The following FHIT variants were observed in gnomAD, a reference collection of about 807,000 sequenced individuals.
The protein encoded by FHIT is fragile histidine triad diadenosine triphosphatase, also known as bis(5'-adenosyl)-triphosphatase.
In FHIT, 19 loss-of-function variants were observed where a neutral mutation model predicts 17.9. That is an observed-to-expected ratio of 1.06 (90% CI 0.74 to 1.56). The LOEUF (loss-of-function observed/expected upper bound fraction) is 1.56. FHIT is among the 40% of genes most tolerant of loss of function. The probability of loss-of-function intolerance (pLI) is 0.00; values close to 1 mark genes in which losing one functional copy is unlikely to be tolerated. For missense variants in FHIT, 248 were observed against 189.2 expected, an observed-to-expected ratio of 1.31 and a Z score of -1.82; for synonymous variants, 81 against 69.7, an observed-to-expected ratio of 1.16 and a Z score of -0.81.
At chr3:59,844,959 T>C (rs1701665611) in intron 8 of FHIT, among the ~76,000 whole-genome samples, 1 of 152,194 alleles carries the variant, frequency 6.6e-6, no homozygotes, top group Admixed American at 6.6e-5. Context: ...TACTGATCAC[T>C]GATTTAATCT....
chr3:59,937,926 C>A (rs1270793894), intron 7 of FHIT, among the ~76,000 whole-genome samples: 1 of 152,088 alleles, frequency 6.6e-6, no homozygotes, highest in African/African-American at 2.4e-5. Flanking sequence ...CTCAAGTGAG[C>A]AGGTATTTAC....
rs937380911 is a variant in FHIT, at chr3:60,547,174, G to T, written c.-17-10195C>A. ...TTATTTTCAGATAAGTAAAATTGCT[G>T]AATCTTTCTACCAAATATAAAGACT... On this transcript the variant is annotated intron_variant, in intron 4 of 9. Coordinates refer to ENST00000492590, the MANE Select transcript of FHIT (RefSeq NM_002012.4). Among the ~76,000 whole-genome samples, 6 of 152,118 alleles carry T rather than the reference G, an allele frequency of 3.9e-5. No individual in the cohort carries two copies. The East Asian group carries it at 1.2e-3, about 29-fold the overall frequency.
In FHIT at chr3:60,441,716, A is replaced by ATGTATTTGTATT. The variant is rs1478753585; in HGVS notation, c.103+95143_103+95144insAATACAAATACA. Among the ~76,000 whole-genome samples the ATGTATTTGTATT allele has an allele frequency of 3.8e-5, 4 of 105,732 alleles. No individual in the cohort carries two copies. The East Asian group carries it at 1.4e-3, about 38-fold the overall frequency. 69.4% of individuals were successfully genotyped at this position (105,732 alleles called of 152,430 possible). Reference sequence around the variant, plus strand: ...TCTGTAGGTATTTATATATATATATATATATATTTGTATTTATATATATAT... The same window carrying ATGTATTTGTATT: ...TCTGTAGGTATTTATATATATATATATGTATTTGTATTTATATATTTGTATTTATATATATAT... On this transcript the variant is annotated intron_variant, in intron 5 of 9. Coordinates refer to ENST00000492590, the MANE Select transcript of FHIT (RefSeq NM_002012.4).
chr3:60,791,790 GTTAAGCCCCAC>G (rs1700785796), intron 4 of FHIT, among the ~76,000 whole-genome samples: 2 of 152,178 alleles, frequency 1.3e-5, no homozygotes, highest in African/African-American at 4.8e-5. Context: ...CCAATCCCCA[GTTAAGCCCCAC>G]TTTTCTAAAT....
chr3:60,901,917 C>T (rs1706133547), intron 3 of FHIT, among the ~76,000 whole-genome samples: 2 of 152,088 alleles, frequency 1.3e-5, no homozygotes, highest in Non-Finnish European at 2.9e-5. Flanking sequence ...GTTTTGTCCT[C>T]GCGTTGGGGA....
intron 2 of FHIT, among the ~76,000 whole-genome samples, chr3:61,146,013 A>G (rs1576101040): frequency 6.6e-6 from 1 of 152,014 alleles, no homozygotes; most frequent in East Asian, 1.9e-4. Flanking sequence ...TATCCACAAT[A>G]TTGAGCAATT....
intron 8 of FHIT, among the ~76,000 whole-genome samples, chr3:59,771,231 G>C (rs2106831837): frequency 6.6e-6 from 1 of 152,266 alleles, no homozygotes; most frequent in Admixed American, 6.5e-5. Context: ...GGAAGAACAG[G>C]TGGGCTTTCC....
chr3:60,604,156 C>A (rs1180966389), intron 4 of FHIT, among the ~76,000 whole-genome samples: 1 of 152,078 alleles, frequency 6.6e-6, no homozygotes, highest in African/African-American at 2.4e-5. Context: ...CAAGGATTTA[C>A]ATTTAGTACA....
At chr3:61,183,881 T>C (rs534187726) in intron 2 of FHIT, among the ~76,000 whole-genome samples, 3 of 150,220 alleles carry the variant, frequency 2.0e-5, no homozygotes, top group Admixed American at 6.6e-5. Flanking sequence ...GGGCAAAGCA[T>C]CATGGGCAAC....
chr3:60,544,054 G>A (rs1576847222), intron 4 of FHIT, among the ~76,000 whole-genome samples: 4 of 151,018 alleles, frequency 2.6e-5, no homozygotes, highest in Non-Finnish European at 4.4e-5. Context: ...CACCGCGCCC[G>A]GACTTCTCTT....
chr3:60,649,050 A>G (rs1368832167), intron 4 of FHIT, among the ~76,000 whole-genome samples: 1 of 152,244 alleles, frequency 6.6e-6, no homozygotes, highest in African/African-American at 2.4e-5. Flanking sequence ...TTCCATTTTC[A>G]TAAAATTCTC....
rs1312478062 is a variant in FHIT at position 60,524,195 on chromosome 3, GAGACAC to G, written c.103+12659_103+12664del. On this transcript the variant is annotated intron_variant, in intron 5 of 9. Transcript: ENST00000492590. The stretch of plus-strand genomic sequence containing the variant: ...AGAGAGCTCACATTCTAGTCAGCCT[GAGACAC>G]ACACACACACACACACACACACACA... Among the ~76,000 whole-genome samples, 4 of 124,052 alleles carry G rather than the reference GAGACAC, an allele frequency of 3.2e-5. No homozygotes were observed. In the East Asian group the frequency reaches 9.5e-4, roughly 29 times the overall value. 81.4% of individuals were successfully genotyped at this position (124,052 alleles called of 152,430 possible).
chr3:61,196,198 T>C (rs1339988173), intron 2 of FHIT, among the ~76,000 whole-genome samples: 1 of 152,086 alleles, frequency 6.6e-6, no homozygotes, highest in Non-Finnish European at 1.5e-5. Context: ...GAATAGAAAG[T>C]TGCTAATTCT....
chr3:60,012,731 C>T (rs1700189874), intron 6 of FHIT, among the ~76,000 whole-genome samples: 1 of 152,104 alleles, frequency 6.6e-6, no homozygotes, highest in South Asian at 2.1e-4. Flanking sequence ...ATGTATCTTA[C>T]TGTAGGTTAC....
At chr3:60,724,654 TTTTTTG>T (rs1249351256) in intron 4 of FHIT, among the ~76,000 whole-genome samples, 12 of 140,454 alleles carry the variant, frequency 8.5e-5, no homozygotes, top group African/African-American at 3.4e-4. Context: ...TCTGTTTTTT[TTTTTTG>T]TTTTTTTTTT....
intron 1 of FHIT, among the ~76,000 whole-genome samples, chr3:61,200,904 C>T (rs2038991900): frequency 2.0e-5 from 3 of 152,176 alleles, no homozygotes. Context: ...GCCAAATCTA[C>T]AGTCAAATCT....
intron 5 of FHIT, among the ~76,000 whole-genome samples, chr3:60,143,359 A>G (rs927113882): frequency 6.6e-6 from 1 of 152,116 alleles, no homozygotes; most frequent in African/African-American, 2.4e-5. Context: ...ATCTTCACTC[A>G]GTTCTCACCC....
At chr3:61,047,764 G>C (rs890973109) in intron 2 of FHIT, among the ~76,000 whole-genome samples, 4 of 152,024 alleles carry the variant, frequency 2.6e-5, no homozygotes, top group Non-Finnish European at 5.9e-5. Flanking sequence ...CATGATACTG[G>C]TACCAAAACA....
At chr3:60,739,594 G>C (rs2108006160) in intron 4 of FHIT, among the ~76,000 whole-genome samples, 1 of 152,300 alleles carries the variant, frequency 6.6e-6, no homozygotes, top group East Asian at 1.9e-4. Context: ...AGGCTGTCCT[G>C]TGCATTGCAG....
Sources: gnomAD v4.1 joint callset for allele counts (sites outside exome capture counted in the v4.1 genomes callset) on GRCh38, gnomAD v4.1.1 for gene constraint, MANE v1.5 for transcripts, NCBI Gene and HGNC (gene_info 2026-07-23, HGNC 2026-07-21) for gene names.